Variants in SORL1 observed in about 807,000 individuals in gnomAD.
The protein encoded by SORL1 is sortilin related receptor 1.
A neutral mutation model predicts 273.7 loss-of-function variants in SORL1; 127 were observed. The observed-to-expected ratio is 0.46, with a 90% CI of 0.40 to 0.54. The LOEUF is 0.54. Ranked by LOEUF, SORL1 falls within the 20% of genes least tolerant of loss-of-function variation. The probability of loss-of-function intolerance (pLI) is 0.00; values close to 1 mark genes in which losing one functional copy is unlikely to be tolerated. For synonymous variants in SORL1, 1,031 were observed against 1,067.4 expected (o/e 0.97, Z 0.66); for missense variants, 2,494 against 2,846.1 (o/e 0.88, Z 2.81).
Position 121,563,330 on chromosome 11 carries a change from T to G in SORL1, c.3050-3610T>G, listed in dbSNP as rs1445736166. Among the ~76,000 whole-genome samples, 1 of 152,214 alleles carries G rather than the reference T, an allele frequency of 6.6e-6. No individual in the cohort carries two copies. The highest frequency in any genetic ancestry group is 1.5e-5 in the Non-Finnish European group (1 of 68,042). ...TGATGATGGTTCATAATAAAAATGT[T>G]GTTCAGTTGCAACATTTATCAATTT... On this transcript the variant is annotated intron_variant, in intron 21 of 47. Transcript: ENST00000260197. The surrounding 1 kb of genome is among the most constrained non-coding windows in gnomAD (Gnocchi z 4.2).
intron 10 of SORL1, 64 bp from the exon 11 acceptor site, chr11:121,522,852 C>G (rs907808580): frequency 3.4e-6 from 5 of 1,475,780 alleles, no homozygotes; most frequent in Non-Finnish European, 4.7e-6. Context: ...GAATTTCTGG[C>G]TGGGCAAGGT....
chr11:121,542,232 T>C (rs1251176135), intron 12 of SORL1, among the ~76,000 whole-genome samples: 2 of 152,216 alleles, frequency 1.3e-5, no homozygotes, highest in African/African-American at 4.8e-5. Context: ...AAAATTAACA[T>C]GAACTCGGTA....
chr11:121,505,756 T>C (rs767166962), intron 6 of SORL1, among the ~76,000 whole-genome samples: 1 of 152,196 alleles, frequency 6.6e-6, no homozygotes, highest in Admixed American at 6.5e-5. Context: ...TTTCCTTCAC[T>C]TTTTGGTTTC....
At chr11:121,620,032 C>T in intron 43 of SORL1, 115 bp downstream of exon 43, 2 of 802,632 alleles carry the variant, frequency 2.5e-6, no homozygotes, top group Non-Finnish European at 4.2e-6. Context: ...TTCTGGCGCT[C>T]AGCAGGAGGT....
At chr11:121,592,349 G>C (rs1430227234) in intron 31 of SORL1, among the ~76,000 whole-genome samples, 1 of 152,084 alleles carries the variant, frequency 6.6e-6, no homozygotes, top group Non-Finnish European at 1.5e-5. Flanking sequence ...AATCGCCTGG[G>C]GTGTTTATAA....
intron 12 of SORL1, among the ~76,000 whole-genome samples, chr11:121,536,780 G>A (rs1165902510): frequency 1.3e-5 from 2 of 152,002 alleles, no homozygotes; most frequent in South Asian, 2.1e-4. Context: ...CCTTCAACAA[G>A]CGTTTATGAA....
At chr11:121,548,425 C>T (rs1032342424) in intron 14 of SORL1, among the ~76,000 whole-genome samples, 2 of 152,224 alleles carry the variant, frequency 1.3e-5, no homozygotes, top group African/African-American at 4.8e-5. Context: ...ACATTTGATA[C>T]AGTGACAAAA....
At chr11:121,579,015 T>C (rs1292923628) in intron 25 of SORL1, among the ~76,000 whole-genome samples, 3 of 152,364 alleles carry the variant, frequency 2.0e-5, no homozygotes, top group Non-Finnish European at 4.4e-5. Context: ...ACTTGGACAT[T>C]GCAGTTTGTA....
intron 5 of SORL1, among the ~76,000 whole-genome samples, chr11:121,493,592 A>G (rs1480805097): frequency 6.6e-6 from 1 of 151,998 alleles, no homozygotes; most frequent in Non-Finnish European, 1.5e-5. Flanking sequence ...TAGTCTTTTC[A>G]TTGTTGGTTT....
In SORL1 at chr11:121,605,537, C is replaced by T. The variant is rs1863455987; in HGVS notation, c.4914C>T (p.Thr1638=). The change falls in exon 35 of 48, where the codon ACC becomes ACT. Residue 1638 remains threonine, a synonymous_variant. Transcript: ENST00000260197. ...AGTGTCTCAGCAAGGCACACAACAC[C>T]AATGACTTTGTGACCCTGAGGACCC... The part of the protein sequence containing the change: ...QVQCLSKAHN[T]NDFVTLRTPE... 6.2e-7 allele frequency: 1 copy of T among 1,613,984 alleles called. No individual in the cohort carries two copies. The highest frequency in any genetic ancestry group is 1.1e-5 in the South Asian group (1 of 91,078).
intron 18 of SORL1, among the ~76,000 whole-genome samples, chr11:121,555,940 G>C (rs1301891021): frequency 6.6e-6 from 1 of 152,174 alleles, no homozygotes; most frequent in Non-Finnish European, 1.5e-5. Context: ...TGCATGGAGA[G>C]ACGGCATGTG....
At chr11:121,478,032 CAAAA>C (rs55896588) in intron 2 of SORL1, 82 bp from the exon 3 acceptor site, 37,598 of 1,032,058 alleles carry the variant, frequency 0.036, 14 homozygotes, top group Non-Finnish European at 0.04. Flanking sequence ...AACTCAGTCT[CAAAA>C]AAAAAAAAAA....
chr11:121,530,767 A>T (rs1862192336), intron 11 of SORL1, among the ~76,000 whole-genome samples: 1 of 152,058 alleles, frequency 6.6e-6, no homozygotes, highest in Non-Finnish European at 1.5e-5. Context: ...GACTCCAGTT[A>T]CATATTAGAC....
chr11:121,513,000 C>T lies in SORL1; in HGVS notation c.940-3C>T. 1 of 1,611,454 alleles carries T rather than the reference C, an allele frequency of 6.2e-7. No homozygotes were observed. Among genetic ancestry groups the T allele is most frequent in the Non-Finnish European group, 8.5e-7 (1 of 1,177,614 alleles). ...AATTTTTTTTTCTCCTCTTCCTTGGCAGCATCTCTTGGGCAGTGAACAGCA... is the reference window on the plus strand; with the variant it reads ...AATTTTTTTTTCTCCTCTTCCTTGGTAGCATCTCTTGGGCAGTGAACAGCA... On this transcript the variant is annotated splice_region_variant and splice_polypyrimidine_tract_variant and intron_variant, in intron 6 of 47. Coordinates refer to ENST00000260197, the MANE Select transcript of SORL1 (RefSeq NM_003105.6).
At chr11:121,497,195 A>T in intron 6 of SORL1, 146 bp downstream of exon 6, 1 of 702,626 alleles carries the variant, frequency 1.4e-6, no homozygotes, top group East Asian at 2.7e-5. Context: ...CAACATTGAC[A>T]ACATTGACGA....
At chr11:121,610,976 C>T (rs1863554450) in intron 38 of SORL1, 100 bp from the exon 39 acceptor site, 1 of 784,734 alleles carries the variant, frequency 1.3e-6, no homozygotes, top group Non-Finnish European at 2.2e-6. Flanking sequence ...TCTTCCCCGA[C>T]TGAAAGATGG....
intron 24 of SORL1, among the ~76,000 whole-genome samples, chr11:121,574,702 A>G (rs1862901132): frequency 6.6e-6 from 1 of 152,218 alleles, no homozygotes; most frequent in South Asian, 2.1e-4. Context: ...ATGGTCAGAA[A>G]AGATGGAGCC....
chr11:121,469,044 T>A (rs1861131366), intron 1 of SORL1, among the ~76,000 whole-genome samples: 1 of 152,102 alleles, frequency 6.6e-6, no homozygotes, highest in Admixed American at 6.5e-5. Flanking sequence ...AGGCTCCGGG[T>A]TATGAGAAGT....
At chr11:121,456,608 A>G (rs1184342576) in intron 1 of SORL1, among the ~76,000 whole-genome samples, 1 of 152,186 alleles carries the variant, frequency 6.6e-6, no homozygotes, top group Non-Finnish European at 1.5e-5. Context: ...TTCAATGAAG[A>G]GCTTGGATTC....
Sources: gnomAD v4.1 joint callset for allele counts (sites outside exome capture counted in the v4.1 genomes callset) on GRCh38, gnomAD v4.1.1 for gene constraint, Gnocchi (gnomAD v3.1) non-coding constraint, MANE v1.5 for transcripts, NCBI Gene and HGNC (gene_info 2026-07-23, HGNC 2026-07-21) for gene names.